The following PCID2 variants were observed in gnomAD, a reference collection of about 807,000 sequenced individuals.
PCID2 encodes the protein PCI domain containing 2.
In PCID2, 41 loss-of-function variants were observed where a neutral mutation model predicts 61.3. The ratio of observed to expected loss-of-function variants is 0.67; its 90% CI spans 0.52 to 0.87. The LOEUF (loss-of-function observed/expected upper bound fraction) is 0.87, where lower values mean the gene tolerates loss of function less well. PCID2 is among the 40% of genes least tolerant of loss of function. The probability of loss-of-function intolerance (pLI) is 0.00; values close to 1 mark genes in which losing one functional copy is unlikely to be tolerated. For missense variants in PCID2, 392 were observed against 493.4 expected (o/e 0.79, Z 1.95); for synonymous variants, 187 against 177.8 (o/e 1.05, Z -0.41).
At chr13:113,198,596 T>G (rs1350884770) in intron 2 of PCID2, among the ~76,000 whole-genome samples, 4 of 152,116 alleles carry the variant, frequency 2.6e-5, no homozygotes, top group Non-Finnish European at 5.9e-5. Context: ...TCCCAGCTAC[T>G]CAGGAGGCTG....
chr13:113,194,401 C>CT (rs891446498), intron 6 of PCID2, among the ~76,000 whole-genome samples: 1 of 151,848 alleles, frequency 6.6e-6, no homozygotes, highest in African/African-American at 2.4e-5. Flanking sequence ...AACCTGGAGA[C>CT]TCCCTACACG....
At chr13:113,183,276 T>A (rs958301614) in intron 9 of PCID2, among the ~76,000 whole-genome samples, 20 of 152,224 alleles carry the variant, frequency 1.3e-4, no homozygotes, top group African/African-American at 4.8e-4. Context: ...TCAGAAACTA[T>A]GACTATGTCG....
At chr13:113,191,010 C>A in intron 6 of PCID2, 35 bp from the exon 7 acceptor site, 1 of 1,506,110 alleles carries the variant, frequency 6.6e-7, no homozygotes. Context: ...TTCATTTTTC[C>A]GAAGCAAGAT....
chr13:113,192,265 A>C (rs964420926), intron 6 of PCID2, among the ~76,000 whole-genome samples: 6 of 152,214 alleles, frequency 3.9e-5, no homozygotes, highest in African/African-American at 1.4e-4. Flanking sequence ...ATAAATAAAT[A>C]AAATGTCCTT....
rs2037271550 is a variant in PCID2, at chr13:113,178,106, G to A, written c.*92C>T. 1 of 831,582 alleles carries A rather than the reference G, an allele frequency of 1.2e-6. No individual in the cohort carries two copies. Among genetic ancestry groups the A allele is most frequent in the South Asian group, 1.7e-5 (1 of 58,862 alleles). The allele number at this position is 831,582 out of a possible 1,614,324, so 51.5% of individuals were successfully genotyped here. On this transcript the variant is annotated 3_prime_UTR_variant, in exon 14 of 14. Coordinates refer to ENST00000337344, the MANE Select transcript of PCID2 (RefSeq NM_001127202.4). ...AGCGCCTCCAAGAGTTCCGGCTTCA[G>A]GGAGCCTTGTTGCAGTACCGGACCG...
the PCID2 span, among the ~76,000 whole-genome samples, chr13:113,170,761 A>G: frequency 6.6e-6 from 1 of 152,094 alleles, no homozygotes. Context: ...GGAGGAAATC[A>G]CAGCCTACAT....
At chr13:113,197,093 G>A (rs1305996610) in intron 4 of PCID2, 85 bp downstream of exon 4, 4 of 1,614,142 alleles carry the variant, frequency 2.5e-6, no homozygotes, top group Non-Finnish European at 3.4e-6. Flanking sequence ...ATGAGCAACT[G>A]GCCCAGTGTT....
chr13:113,189,023 GT>G (rs757636952), intron 7 of PCID2, among the ~76,000 whole-genome samples: 2 of 152,114 alleles, frequency 1.3e-5, no homozygotes, highest in Admixed American at 6.5e-5. Flanking sequence ...CTAATGGGAG[GT>G]TTTTGGGTCA....
chr13:113,200,699 T>A, intron 1 of PCID2, 183 bp from the exon 2 acceptor site: 1 of 267,300 alleles, frequency 3.7e-6, no homozygotes, highest in Non-Finnish European at 7.0e-6. Context: ...ATAATTTCTT[T>A]TTTTTTTTTT....
downstream of PCID2, among the ~76,000 whole-genome samples, chr13:113,175,890 C>A (rs942381893): frequency 7.9e-5 from 12 of 152,226 alleles, no homozygotes; most frequent in Non-Finnish European, 4.4e-5. Context: ...CAGCTCCCTA[C>A]GTGTGGAGAG....
At chr13:113,170,362 T>C in the PCID2 span, 6 of 1,182,030 alleles carry the variant, frequency 5.1e-6, no homozygotes, top group Non-Finnish European at 7.6e-6. Flanking sequence ...TTACTGCCCC[T>C]AATCCTGCAA....
At chr13:113,185,329 T>A (rs180863560) in intron 8 of PCID2, among the ~76,000 whole-genome samples, 156 bp downstream of exon 8, 1 of 152,216 alleles carries the variant, frequency 6.6e-6, no homozygotes, top group African/African-American at 2.4e-5. Flanking sequence ...TTGCACCTAG[T>A]AGGCATTCAA....
chr13:113,177,477 T>C (rs1017565540), downstream of PCID2: 1 of 152,214 alleles, frequency 6.6e-6, no homozygotes, highest in African/African-American at 2.4e-5. Context: ...TTGTGTTTGA[T>C]TTTGCCTAAG....
chr13:113,183,719 G>C (rs1169281763), intron 9 of PCID2: 4 of 975,676 alleles, frequency 4.1e-6, no homozygotes, highest in Non-Finnish European at 4.9e-6. Flanking sequence ...AGATCACCAA[G>C]AATGATGCCG....
At chr13:113,190,001 C>G (rs1358054154) in intron 7 of PCID2, among the ~76,000 whole-genome samples, 1 of 143,054 alleles carries the variant, frequency 7.0e-6, no homozygotes, top group Non-Finnish European at 1.5e-5. Flanking sequence ...CCAGCCTGGG[C>G]GACAGAGCAA....
At chr13:113,207,975 G>A (rs776771466) in intron 1 of PCID2, 2 of 1,514,790 alleles carry the variant, frequency 1.3e-6, no homozygotes, top group Non-Finnish European at 1.8e-6. Context: ...AAGAATATGC[G>A]TTGAATCTTT....
chr13:113,205,533 A>G (rs1248911322), intron 1 of PCID2, among the ~76,000 whole-genome samples: 2 of 152,258 alleles, frequency 1.3e-5, no homozygotes, highest in Non-Finnish European at 2.9e-5. Flanking sequence ...AAAAGAATAC[A>G]AAACCTGCGC....
At chr13:113,185,654 G>A (rs2038044441) in intron 7 of PCID2, 94 bp from the exon 8 acceptor site, 1 of 763,176 alleles carries the variant, frequency 1.3e-6, no homozygotes, top group Non-Finnish European at 2.2e-6. Context: ...AATATCTTGA[G>A]GTAAGTCCCA....
At chr13:113,172,025 C>G in the PCID2 span, 2 of 1,612,982 alleles carry the variant, frequency 1.2e-6, no homozygotes, top group Non-Finnish European at 1.7e-6. Context: ...GGGCTCGCAG[C>G]CAGTAGGAGG....
Sources: allele counts gnomAD v4.1 joint callset (sites outside exome capture counted in the v4.1 genomes callset), GRCh38; gene constraint gnomAD v4.1.1; transcripts MANE v1.5; gene names NCBI Gene and HGNC (gene_info 2026-07-23, HGNC 2026-07-21).